Variants in INPP4B observed in about 807,000 individuals in gnomAD.
The protein encoded by INPP4B is inositol polyphosphate-4-phosphatase type II B.
Under a neutral mutation model 122.5 loss-of-function variants are expected in INPP4B, and 55 were observed. The ratio of observed to expected loss-of-function variants is 0.45; its 90% confidence interval spans 0.36 to 0.56. INPP4B has a LOEUF of 0.56. INPP4B is among the 20% of genes least tolerant of loss of function. The pLI, the probability that INPP4B is intolerant of heterozygous loss-of-function variation, is 0.00. For missense variants in INPP4B, 1,000 were observed against 1,097.7 expected (o/e 0.91, Z 1.26); for synonymous variants, 403 against 388.7 (o/e 1.04, Z -0.43).
chr4:142,114,901 T>C (rs771942646), intron 21 of INPP4B, among the ~76,000 whole-genome samples: 1 of 152,004 alleles, frequency 6.6e-6, no homozygotes. Context: ...ACAAAGAAGA[T>C]AAAAACCTCG....
intron 7 of INPP4B, among the ~76,000 whole-genome samples, chr4:142,332,943 G>A (rs1775155166): frequency 6.7e-6 from 1 of 149,098 alleles, no homozygotes. Context: ...CCCAGGAGGC[G>A]GAGCTTGTAG....
intron 2 of INPP4B, among the ~76,000 whole-genome samples, chr4:142,528,612 A>C (rs1827215281): frequency 6.6e-6 from 1 of 152,076 alleles, no homozygotes; most frequent in Non-Finnish European, 1.5e-5. Flanking sequence ...GTTAGCAGCA[A>C]GTCACTAGGC....
intron 2 of INPP4B, among the ~76,000 whole-genome samples, chr4:142,532,795 T>TA (rs1330040287): frequency 6.6e-6 from 1 of 152,208 alleles, no homozygotes; most frequent in Non-Finnish European, 1.5e-5. Flanking sequence ...TTATAAACTG[T>TA]AATTATGAAA....
At chr4:142,539,156 A>T (rs982212005) in intron 2 of INPP4B, among the ~76,000 whole-genome samples, 11 of 147,798 alleles carry the variant, frequency 7.4e-5, no homozygotes, top group Non-Finnish European at 1.0e-4. Flanking sequence ...GAGATAATAA[A>T]ATATATATAT....
At chr4:142,578,010 T>C (rs1044954886) in intron 2 of INPP4B, among the ~76,000 whole-genome samples, 1 of 151,982 alleles carries the variant, frequency 6.6e-6, no homozygotes, top group Admixed American at 6.6e-5. Flanking sequence ...CAATTTCTGT[T>C]GGTTGGAAGA....
At chr4:142,183,576 G>C (rs920861729) in intron 15 of INPP4B, among the ~76,000 whole-genome samples, 2 of 117,888 alleles carry the variant, frequency 1.7e-5, no homozygotes, top group African/African-American at 6.3e-5. Flanking sequence ...TGACTTTTCT[G>C]CTGTATGCTG....
intron 9 of INPP4B, among the ~76,000 whole-genome samples, chr4:142,283,856 TA>T (rs1752316659): frequency 6.6e-6 from 1 of 152,114 alleles, no homozygotes; most frequent in Non-Finnish European, 1.5e-5. Context: ...CTTTTCATCC[TA>T]AACTGAGGTA....
At chr4:142,525,222 C>A (rs1199785863) in intron 2 of INPP4B, among the ~76,000 whole-genome samples, 1 of 152,012 alleles carries the variant, frequency 6.6e-6, no homozygotes, top group Admixed American at 6.6e-5. Context: ...CAAACCACTG[C>A]TCACTGAAAT....
chr4:142,772,618 C>T (rs1227813195), intron 1 of INPP4B, among the ~76,000 whole-genome samples: 1 of 152,122 alleles, frequency 6.6e-6, no homozygotes, highest in African/African-American at 2.4e-5. Context: ...ATAAACACAA[C>T]ACAAACCCAA....
intron 18 of INPP4B, among the ~76,000 whole-genome samples, chr4:142,129,592 A>C (rs1305785407): frequency 1.3e-5 from 2 of 152,160 alleles, no homozygotes; most frequent in Non-Finnish European, 2.9e-5. Context: ...TCCTAGGGGC[A>C]CAGGGCCTAG....
At chr4:142,057,052 CT>C in intron 25 of INPP4B, among the ~76,000 whole-genome samples, 1 of 152,016 alleles carries the variant, frequency 6.6e-6, no homozygotes, top group Non-Finnish European at 1.5e-5. Flanking sequence ...GACAAGTTTT[CT>C]TTTAAATTTT....
At chr4:142,111,585 G>T (rs2152701442) in intron 22 of INPP4B, among the ~76,000 whole-genome samples, 1 of 151,980 alleles carries the variant, frequency 6.6e-6, no homozygotes, top group South Asian at 2.1e-4. Flanking sequence ...GACCTCAGGT[G>T]ATCCACCTGC....
intron 3 of INPP4B, among the ~76,000 whole-genome samples, chr4:142,439,933 A>G (rs901711767): frequency 6.6e-6 from 1 of 152,122 alleles, no homozygotes; most frequent in Non-Finnish European, 1.5e-5. Context: ...AAGCAATACC[A>G]TGCTCTCCTA....
intron 2 of INPP4B, among the ~76,000 whole-genome samples, chr4:142,622,167 A>G (rs1745081070): frequency 6.6e-6 from 1 of 152,002 alleles, no homozygotes; most frequent in East Asian, 1.9e-4. Flanking sequence ...AACTAATCTC[A>G]CTGGACTCCC....
At chr4:142,742,623 C>G (rs1348495941) in intron 1 of INPP4B, among the ~76,000 whole-genome samples, 1 of 151,630 alleles carries the variant, frequency 6.6e-6, no homozygotes, top group Admixed American at 6.6e-5. Context: ...AAAAATGAAG[C>G]AAATATATAT....
In INPP4B at chr4:142,617,252, C is replaced by T. The variant is rs542017922; in HGVS notation, c.-191+108587G>A. Among the ~76,000 whole-genome samples, 3 of 152,202 alleles carry T rather than the reference C, an allele frequency of 2.0e-5. No individual in the cohort carries two copies. In the East Asian group the frequency reaches 5.8e-4, roughly 29 times the overall value. Reference sequence around the variant, plus strand: ...AGAATACTCTGTGCCTACAGCCGCACTATTTCTATTGACAAATTGACACAC... The same window carrying T: ...AGAATACTCTGTGCCTACAGCCGCATTATTTCTATTGACAAATTGACACAC... On this transcript the variant is annotated intron_variant, in intron 2 of 25. Transcript: ENST00000262992.
intron 25 of INPP4B, among the ~76,000 whole-genome samples, chr4:142,046,982 T>C (rs1459525244): frequency 6.6e-6 from 1 of 152,102 alleles, no homozygotes; most frequent in Non-Finnish European, 1.5e-5. Flanking sequence ...GGAGACAGTA[T>C]TTTATCTCAG....
intron 25 of INPP4B, among the ~76,000 whole-genome samples, chr4:142,044,331 T>C (rs1179534385): frequency 6.6e-6 from 1 of 152,094 alleles, no homozygotes; most frequent in Non-Finnish European, 1.5e-5. Flanking sequence ...CTTACATTTG[T>C]ATGGCTAGAG....
intron 7 of INPP4B, among the ~76,000 whole-genome samples, chr4:142,371,051 A>C (rs1450088645): frequency 6.6e-6 from 1 of 152,172 alleles, no homozygotes; most frequent in East Asian, 1.9e-4. Context: ...AAGTTATAGC[A>C]ACCAAAACAG....
Sources: gnomAD v4.1 joint callset for allele counts (sites outside exome capture counted in the v4.1 genomes callset) on GRCh38, gnomAD v4.1.1 for gene constraint, MANE v1.5 for transcripts, NCBI Gene and HGNC (gene_info 2026-07-23, HGNC 2026-07-21) for gene names.